Variants in VPS13D observed in about 807,000 individuals in gnomAD.
VPS13D encodes intermembrane lipid transfer protein VPS13D.
VPS13D carries 187 observed loss-of-function variants against 461.9 expected under a neutral mutation model. The ratio of observed to expected loss-of-function variants is 0.40; its 90% CI spans 0.36 to 0.46. The LOEUF is 0.46. Among genes scored for constraint, VPS13D ranks in the 20% least tolerant of loss-of-function variants. The probability of loss-of-function intolerance (pLI) is 0.60; values close to 1 mark genes in which losing one functional copy is unlikely to be tolerated. For synonymous variants in VPS13D, 1,951 were observed against 1,986.3 expected (o/e 0.98, Z 0.47); for missense variants, 4,711 against 5,364.9 (o/e 0.88, Z 3.81).
rs1405193589 is a variant in VPS13D, at chr1:12,348,953, A to G, written c.9200A>G (p.Asp3067Gly). The G allele has an allele frequency of 1.2e-6, 2 of 1,614,220 alleles. No homozygotes were observed. Among genetic ancestry groups the G allele is most frequent in the Non-Finnish European group, 1.7e-6 (2 of 1,180,028 alleles). Residue 3067 changes from aspartate (D) to glycine (G), a missense_variant, in exon 45 of 70, where the codon GAT (aspartate) becomes GGT (glycine). Coordinates refer to ENST00000620676, the MANE Select transcript of VPS13D (RefSeq NM_015378.4). ...RLETPMELRL[D>G]SPSAPDKPVV... The stretch of plus-strand genomic sequence containing the variant: ...GAGACACCAATGGAACTAAGACTGG[A>G]TAGCCCATCAGCTCCAGACAGTATG...
At chr1:12,311,952 T>C in intron 29 of VPS13D, 27 bp downstream of exon 29, 1 of 1,568,862 alleles carries the variant, frequency 6.4e-7, no homozygotes. Context: ...ATTATTATAC[T>C]GTTAGTAACA....
chr1:12,268,599 A>C (rs1472992427), intron 15 of VPS13D, 107 bp from the exon 16 acceptor site: 2 of 1,297,920 alleles, frequency 1.5e-6, no homozygotes, highest in East Asian at 4.7e-5. Context: ...GAACTAATTG[A>C]AAAATAATTT....
intron 3 of VPS13D, among the ~76,000 whole-genome samples, chr1:12,243,718 C>T (rs754282480): frequency 6.6e-6 from 1 of 152,078 alleles, no homozygotes; most frequent in Non-Finnish European, 1.5e-5. Flanking sequence ...AGCCGTTTGG[C>T]TTTCTCATCA....
At chr1:12,296,077 A>G (rs1220154425) in intron 24 of VPS13D, among the ~76,000 whole-genome samples, 1 of 152,152 alleles carries the variant, frequency 6.6e-6, no homozygotes, top group East Asian at 1.9e-4. Context: ...TAAATGATTT[A>G]TCCATTTTCC....
At chr1:12,280,071 GA>G (rs1417008787) in intron 20 of VPS13D, among the ~76,000 whole-genome samples, 2 of 152,200 alleles carry the variant, frequency 1.3e-5, no homozygotes, top group Non-Finnish European at 2.9e-5. Context: ...TGCCCTCTCT[GA>G]AATGAAATGG....
chr1:12,283,396 C>T lies in VPS13D; in HGVS notation c.5294C>T (p.Ser1765Phe), dbSNP rs1641851955. ...GACTATCCCTTGACCCCACCTCCTT[C>T]TCCAACAGTGGATGAGCCCAAGATA... ...DKDYPLTPPP[S>F]PTVDEPKILV... Residue 1765 changes from serine (S) to phenylalanine (F), a missense_variant, in exon 21 of 70, where the codon TCT (serine) becomes TTT (phenylalanine). Physicochemically the swap from Ser to Phe is radical, Grantham distance 155. Coordinates refer to ENST00000620676, the MANE Select transcript of VPS13D (RefSeq NM_015378.4). 1 of 1,614,224 alleles carries T rather than the reference C, an allele frequency of 6.2e-7. No individual in the cohort carries two copies. Among genetic ancestry groups the T allele is most frequent in the East Asian group, 2.2e-5 (1 of 44,884 alleles).
rs1646172649 is a variant in VPS13D at position 12,510,765 on chromosome 1, C to T, written c.*1741C>T. 1.3e-5 allele frequency: 2 copies of T among 152,240 alleles called. No individual in the cohort carries two copies. The highest frequency in any genetic ancestry group is 2.9e-5 in the Non-Finnish European group (2 of 68,090). 9.4% of individuals were successfully genotyped at this position (152,240 alleles called of 1,614,324 possible). ...TGCTGGGGGGTGGTGATGATTGTCT[C>T]AGCACTCACGCACTGCACAAGATGG... On this transcript the variant is annotated 3_prime_UTR_variant, in exon 70 of 70. Transcript: ENST00000620676.
Position 12,322,606 on chromosome 1 carries a change from C to G in VPS13D, c.7775C>G (p.Ser2592Cys), listed in dbSNP as rs1168771757. 6.2e-7 allele frequency: 1 copy of G among 1,614,224 alleles called. No individual in the cohort carries two copies. The highest frequency in any genetic ancestry group is 1.7e-5 in the Admixed American group (1 of 60,026). ...CAGCTGTTTCTTGCCATTGCAAAAT[C>G]CATCCCAGAGCAAGCTAATGCTGCA... is the stretch of plus-strand genomic sequence containing the variant. ...DVQLFLAIAK[S>C]IPEQANAAVP... Residue 2592 changes from serine to cysteine, a missense_variant, in exon 34 of 70, where the codon TCC becomes TGC. Coordinates refer to ENST00000620676, the MANE Select transcript of VPS13D (RefSeq NM_015378.4).
rs757205809 is a variant in VPS13D at position 12,386,314 on chromosome 1, C to T, written c.11614C>T (p.Leu3872Phe). The T allele has an allele frequency of 1.6e-5, 26 of 1,610,892 alleles. No homozygotes were observed. The highest frequency in any genetic ancestry group is 1.2e-5 in the Non-Finnish European group (14 of 1,178,778). The change falls in exon 60 of 70, where the codon CTC (leucine) becomes TTC (phenylalanine). Residue 3872 changes from leucine (L) to phenylalanine (F), a missense_variant. Around this residue, in one of 3 missense-constraint regions of VPS13D, gnomAD observed 4,411 missense variants for 4,937.8 expected, o/e 0.89. Coordinates refer to ENST00000620676, the MANE Select transcript of VPS13D (RefSeq NM_015378.4). The part of the protein sequence containing the change: ...TQLATSHMLE[L>F]SIQDVQVDNQ... Reference sequence around the variant, plus strand: ...GCTGGCAACCAGTCACATGCTTGAACTCAGCATACAGGATGTACAGGTAAG... The same window carrying T: ...GCTGGCAACCAGTCACATGCTTGAATTCAGCATACAGGATGTACAGGTAAG...
intron 18 of VPS13D, 138 bp from the exon 19 acceptor site, chr1:12,275,687 A>G: frequency 3.8e-6 from 3 of 792,180 alleles, no homozygotes; most frequent in Non-Finnish European, 5.5e-6. Context: ...AAACAAAGAT[A>G]TTATGCTTAA....
At chr1:12,344,932 CCAAA>C (rs138506465) in intron 42 of VPS13D, 2,161 of 156,144 alleles carry the variant, frequency 0.014, 19 homozygotes, top group Non-Finnish European at 0.023. Context: ...AGGGCTGGAG[CCAAA>C]CAACTGCATG....
In VPS13D at chr1:12,277,598, G is replaced by A; in HGVS notation, c.4010G>A (p.Ser1337Asn). Residue 1337 changes from serine to asparagine, a missense_variant, in exon 19 of 70, where the codon AGC (serine) becomes AAC (asparagine). This residue lies in a region of VPS13D where 4,411 missense variants were observed against 4,937.8 expected (regional missense o/e 0.89). Transcript: ENST00000620676. ...CTAGCTACCAAGACTGCCGAGTATA[G>A]CGAGATGGTATCGCTCTTTGAAACT... ...TVLATKTAEY[S>N]EMVSLFETPR... 2 of 1,613,930 alleles carry A rather than the reference G, an allele frequency of 1.2e-6. No individual in the cohort carries two copies. Among genetic ancestry groups the A allele is most frequent in the Middle Eastern group, 1.6e-4 (1 of 6,062 alleles).
At chr1:12,378,346 C>T in intron 55 of VPS13D, 82 bp from the exon 56 acceptor site, 1 of 1,347,684 alleles carries the variant, frequency 7.4e-7, no homozygotes, top group Non-Finnish European at 9.8e-7. Flanking sequence ...TTATTTAGCC[C>T]TAGAGGAAGC....
At chr1:12,427,420 C>T (rs1264149913) in intron 65 of VPS13D, among the ~76,000 whole-genome samples, 1 of 151,774 alleles carries the variant, frequency 6.6e-6, no homozygotes, top group Non-Finnish European at 1.5e-5. Context: ...TGCTGGACAG[C>T]ACAGTCAGCC....
At chr1:12,241,481 T>C (rs1368366395) in intron 2 of VPS13D, among the ~76,000 whole-genome samples, 2 of 152,222 alleles carry the variant, frequency 1.3e-5, no homozygotes. Context: ...TGGCAGTGAT[T>C]TAAGGATGGG....
chr1:12,333,178 A>G, intron 37 of VPS13D, 48 bp from the exon 38 acceptor site: 1 of 1,590,560 alleles, frequency 6.3e-7, no homozygotes. Context: ...TCCCCTATAA[A>G]CTCTTGATAT....
rs559850365 is a variant in VPS13D at position 12,368,019 on chromosome 1, C to T, written c.10449-449C>T. On this transcript the variant is annotated intron_variant, in intron 52 of 69. Transcript: ENST00000620676. ...CTCCTGGGCTAAAGTGATCCTCCCA[C>T]CTTGGCCTCCCAAAGTGCTGGGATT... 2.6e-5 allele frequency among the ~76,000 whole-genome samples: 4 copies of T among 152,292 alleles called. No homozygotes were observed. The East Asian group carries it at 7.7e-4, about 29-fold the overall frequency.
chr1:12,276,254 A>G lies in VPS13D; in HGVS notation c.2666A>G (p.Asp889Gly). ...GACTTAAAAATCCACATTAATGAAG[A>G]TAAAATATCTGCACTAAAGAATTGC... ...LPDLKIHINE[D>G]KISALKNCFA... Residue 889 changes from aspartate to glycine, a missense_variant, in exon 19 of 70, where the codon GAT becomes GGT. Around this residue, in one of 3 missense-constraint regions of VPS13D, gnomAD observed 4,411 missense variants for 4,937.8 expected, o/e 0.89. Transcript: ENST00000620676. This position sits in a 1 kb window ranked among gnomAD's most constrained non-coding sequence, Gnocchi z 4.5. 1 of 1,614,098 alleles carries G rather than the reference A, an allele frequency of 6.2e-7. No homozygotes were observed. The highest frequency in any genetic ancestry group is 8.5e-7 in the Non-Finnish European group (1 of 1,180,022).
At chr1:12,418,481 GA>G (rs1204388850) in intron 65 of VPS13D, among the ~76,000 whole-genome samples, 1 of 152,026 alleles carries the variant, frequency 6.6e-6, no homozygotes, top group African/African-American at 2.4e-5. Flanking sequence ...TAACTTTATT[GA>G]ATTCTAATTG....
Sources: allele counts gnomAD v4.1 joint callset (sites outside exome capture counted in the v4.1 genomes callset), GRCh38; gene constraint gnomAD v4.1.1; regional missense constraint gnomAD v4.1.1; non-coding constraint Gnocchi (gnomAD v3.1); transcripts MANE v1.5; gene names NCBI Gene and HGNC (gene_info 2026-07-23, HGNC 2026-07-21).